The following FLACC1 variants were observed in gnomAD, a reference collection of about 807,000 sequenced individuals.
FLACC1 encodes the protein flagellum associated containing coiled-coil domains 1, also known as flagellum-associated coiled-coil domain-containing protein 1.
Under a neutral mutation model 62.8 loss-of-function variants are expected in FLACC1, and 66 were observed. The observed-to-expected ratio is 1.05, with a 90% CI of 0.86 to 1.29. The LOEUF (loss-of-function observed/expected upper bound fraction) is 1.29. Ranked by LOEUF, FLACC1 falls within the 50% of genes most tolerant of loss-of-function variation. FLACC1 has a pLI of 0.00. For missense variants in FLACC1, 452 were observed against 489.1 expected (o/e 0.92, Z 0.71); for synonymous variants, 156 against 161.0 (o/e 0.97, Z 0.24).
intron 11 of FLACC1, among the ~76,000 whole-genome samples, chr2:201,306,464 G>C (rs981244986): frequency 6.6e-6 from 1 of 152,180 alleles, no homozygotes; most frequent in African/African-American, 2.4e-5. Context: ...TTTAAAGAAT[G>C]ATGCTGGGAC....
the FLACC1 span, among the ~76,000 whole-genome samples, chr2:201,364,023 C>A: frequency 6.6e-6 from 1 of 152,182 alleles, no homozygotes; most frequent in African/African-American, 2.4e-5. Flanking sequence ...CCACTATGCA[C>A]CCCATGAATC....
chr2:201,293,987 C>G (rs935578210), intron 12 of FLACC1, among the ~76,000 whole-genome samples: 64 of 152,258 alleles, frequency 4.2e-4, no homozygotes, highest in African/African-American at 1.4e-3. Context: ...AGTTGAATCC[C>G]TGAATAGACC....
At chr2:201,291,194 G>A (rs541619899) in intron 12 of FLACC1, among the ~76,000 whole-genome samples, 32 of 152,272 alleles carry the variant, frequency 2.1e-4, no homozygotes, top group African/African-American at 7.0e-4. Context: ...CTCCCAGCAC[G>A]CAGCTTGAGA....
intron 10 of FLACC1, among the ~76,000 whole-genome samples, chr2:201,308,160 C>T (rs1576428463): frequency 1.3e-5 from 2 of 152,202 alleles, no homozygotes; most frequent in Admixed American, 6.5e-5. Flanking sequence ...GGTCTGACAG[C>T]GTAAGCCTCT....
chr2:201,312,357 A>C (rs1179084183), intron 9 of FLACC1, among the ~76,000 whole-genome samples: 1 of 152,150 alleles, frequency 6.6e-6, no homozygotes, highest in Non-Finnish European at 1.5e-5. Context: ...AAAATCCCTA[A>C]AAATATAGCT....
In FLACC1 at chr2:201,316,881, G is replaced by A. The variant is rs181692675; in HGVS notation, c.676-7631C>T. Among the ~76,000 whole-genome samples the A allele has an allele frequency of 3.3e-5, 5 of 152,032 alleles. No homozygotes were observed. In the East Asian group the frequency reaches 9.6e-4, roughly 29 times the overall value. ...ATAATCAAGTGGGTTTCATACCAGG[G>A]ATATAGGCTTAACATACTCAAGTCA... is the stretch of plus-strand genomic sequence containing the variant. On this transcript the variant is annotated intron_variant, in intron 9 of 14. Coordinates refer to ENST00000392257, the MANE Select transcript of FLACC1 (RefSeq NM_001127391.3).
intron 9 of FLACC1, among the ~76,000 whole-genome samples, chr2:201,314,061 C>A (rs1438216641): frequency 6.6e-6 from 1 of 152,164 alleles, no homozygotes; most frequent in Non-Finnish European, 1.5e-5. Context: ...AGAATCTGAA[C>A]AACAGCCTTG....
At chr2:201,340,809 G>T (rs919629323) in intron 7 of FLACC1, among the ~76,000 whole-genome samples, 2 of 152,160 alleles carry the variant, frequency 1.3e-5, no homozygotes, top group Non-Finnish European at 2.9e-5. Context: ...TAGTGGTAAT[G>T]AACTCCCTTA....
At chr2:201,319,608 C>T (rs9677180) in intron 9 of FLACC1, among the ~76,000 whole-genome samples, 109,575 of 152,116 alleles carry the variant, frequency 0.72, 39,824 homozygotes, top group South Asian at 0.83. Context: ...TCACAAACTA[C>T]GCATCTGACA....
At chr2:201,290,376 T>TG (rs1425568588) in intron 12 of FLACC1, among the ~76,000 whole-genome samples, 1 of 140,968 alleles carries the variant, frequency 7.1e-6, no homozygotes, top group Non-Finnish European at 1.5e-5. Flanking sequence ...AAACTAGTGG[T>TG]GGGGTAGGGT....
At chr2:201,344,873 C>T (rs1230736519) in intron 5 of FLACC1, among the ~76,000 whole-genome samples, 1 of 152,184 alleles carries the variant, frequency 6.6e-6, no homozygotes, top group Non-Finnish European at 1.5e-5. Context: ...ATGCAAGATG[C>T]TTTGACCTCT....
intron 3 of FLACC1, among the ~76,000 whole-genome samples, chr2:201,349,169 T>C (rs1040883821): frequency 3.3e-5 from 5 of 152,212 alleles, no homozygotes; most frequent in Admixed American, 2.6e-4. Context: ...CCTTGTTACC[T>C]TCTTTGAGCT....
At chr2:201,347,438 C>A (rs1178320018) in intron 4 of FLACC1, among the ~76,000 whole-genome samples, 1 of 152,234 alleles carries the variant, frequency 6.6e-6, no homozygotes, top group Non-Finnish European at 1.5e-5. Flanking sequence ...CACAGTTCAT[C>A]CTCCTCTCTA....
intron 7 of FLACC1, among the ~76,000 whole-genome samples, chr2:201,333,607 A>T (rs1441536928): frequency 8.0e-6 from 1 of 125,172 alleles, no homozygotes; most frequent in Non-Finnish European, 1.6e-5. Flanking sequence ...TCCTGTGTCC[A>T]TGTGTTCTCG....
intron 14 of FLACC1, 104 bp from the exon 15 acceptor site, chr2:201,288,885 C>T (rs1949657127): frequency 7.5e-7 from 1 of 1,331,640 alleles, no homozygotes; most frequent in African/African-American, 1.5e-5. Flanking sequence ...TCCTTCACCA[C>T]AGCAGTCTCT....
intron 12 of FLACC1, among the ~76,000 whole-genome samples, chr2:201,294,705 T>C (rs1043852465): frequency 6.6e-6 from 1 of 152,176 alleles, no homozygotes; most frequent in Non-Finnish European, 1.5e-5. Context: ...TAAAGGGTAT[T>C]CAATTAGGAA....
chr2:201,349,712 T>C (rs1185164093), intron 3 of FLACC1, among the ~76,000 whole-genome samples: 2 of 152,232 alleles, frequency 1.3e-5, no homozygotes, highest in African/African-American at 4.8e-5. Flanking sequence ...AAAACCAAGA[T>C]GCAACCCATA....
intron 12 of FLACC1, among the ~76,000 whole-genome samples, chr2:201,291,890 A>G (rs1949744950): frequency 6.6e-6 from 1 of 152,248 alleles, no homozygotes; most frequent in African/African-American, 2.4e-5. Context: ...CACAAGCCTC[A>G]GTAGCCGATT....
chr2:201,290,570 G>A (rs1229589063), intron 12 of FLACC1, among the ~76,000 whole-genome samples: 1 of 152,170 alleles, frequency 6.6e-6, no homozygotes, highest in Non-Finnish European at 1.5e-5. Flanking sequence ...CAGCCGAATA[G>A]GAACAGCTCC....
Sources: gnomAD v4.1 joint callset for allele counts (sites outside exome capture counted in the v4.1 genomes callset) on GRCh38, gnomAD v4.1.1 for gene constraint, MANE v1.5 for transcripts, NCBI Gene and HGNC (gene_info 2026-07-23, HGNC 2026-07-21) for gene names.